RAB20: variants seen among roughly 807,000 people sequenced by gnomAD.
RAB20 encodes ras-related protein Rab-20.
Under a neutral mutation model 3.7 loss-of-function variants are expected in RAB20, and 2 were observed. The ratio of observed to expected loss-of-function variants is 0.54; its 90% confidence interval spans 0.22 to 1.69. RAB20 has a LOEUF of 1.69. RAB20 is among the 40% of genes most tolerant of loss of function. The pLI, the probability that RAB20 is intolerant of heterozygous loss-of-function variation, is 0.19. For missense variants in RAB20, 276 were observed against 311.9 expected (o/e 0.88, Z 0.87); for synonymous variants, 126 against 130.8 (o/e 0.96, Z 0.25).
chr13:110,540,963 G>GA (rs962394595), intron 1 of RAB20, among the ~76,000 whole-genome samples: 1 of 152,176 alleles, frequency 6.6e-6, no homozygotes, highest in African/African-American at 2.4e-5. Flanking sequence ...CATGCCCCTG[G>GA]AATGGGAGTT....
rs369071009 is a variant in RAB20, at chr13:110,524,042, T to C, written c.328A>G (p.Ile110Val). Residue 110 changes from isoleucine to valine, a missense_variant, in exon 2 of 2, where the codon ATC becomes GTC. By Grantham distance (29) the Ile-to-Val change is conservative. Coordinates refer to ENST00000267328, the MANE Select transcript of RAB20 (RefSeq NM_017817.3). Reference protein sequence around the residue: ...DTASKDCLFAIVGNKVDLTEE... With the variant: ...DTASKDCLFAVVGNKVDLTEE... ...GTGAGGTCCACTTTGTTCCCCACGA[T>C]GGCAAAGAGGCAGTCTTTGCTGGCT... is the stretch of plus-strand genomic sequence containing the variant. 9 of 1,614,026 alleles carry C rather than the reference T, an allele frequency of 5.6e-6. No individual in the cohort carries two copies. Among genetic ancestry groups the C allele is most frequent in the Non-Finnish European group, 7.6e-6 (9 of 1,180,036 alleles).
chr13:110,561,529 A>G lies in RAB20; in HGVS notation c.-10T>C. The G allele has an allele frequency of 6.4e-7, 1 of 1,554,530 alleles. No homozygotes were observed. The highest frequency in any genetic ancestry group is 1.2e-5 in the South Asian group (1 of 84,142). On this transcript the variant is annotated 5_prime_UTR_variant, in exon 1 of 2. Coordinates refer to ENST00000267328, the MANE Select transcript of RAB20 (RefSeq NM_017817.3). ...TGTCGGGCTTCCTCATCTTCCCGTA[A>G]GAACCCCCAGCGCCCCCGCGCCCTC...
At chr13:110,528,466 T>G (rs1446778612) in intron 1 of RAB20, among the ~76,000 whole-genome samples, 1 of 151,794 alleles carries the variant, frequency 6.6e-6, no homozygotes, top group Non-Finnish European at 1.5e-5. Context: ...TCTTCGTCAT[T>G]ACCACAGTAC....
intron 1 of RAB20, among the ~76,000 whole-genome samples, chr13:110,529,646 C>G (rs940876787): frequency 6.6e-6 from 1 of 152,200 alleles, no homozygotes; most frequent in Non-Finnish European, 1.5e-5. Context: ...CAACCCTGGT[C>G]TGGTGAACGG....
At chr13:110,534,150 G>A (rs1326296681) in intron 1 of RAB20, among the ~76,000 whole-genome samples, 1 of 152,254 alleles carries the variant, frequency 6.6e-6, no homozygotes, top group African/African-American at 2.4e-5. Context: ...ACAGTGCTCT[G>A]TGATGTGGTA....
At chr13:110,539,511 T>A (rs945250472) in intron 1 of RAB20, among the ~76,000 whole-genome samples, 1 of 152,140 alleles carries the variant, frequency 6.6e-6, no homozygotes, top group Non-Finnish European at 1.5e-5. Flanking sequence ...TTTTTCACCT[T>A]TAAATATACA....
chr13:110,525,678 C>G (rs1884416228), intron 1 of RAB20, among the ~76,000 whole-genome samples: 1 of 152,240 alleles, frequency 6.6e-6, no homozygotes, highest in African/African-American at 2.4e-5. Context: ...GTGCACGCAG[C>G]AGGTGAGAGC....
intron 1 of RAB20, among the ~76,000 whole-genome samples, chr13:110,532,278 T>A (rs190950445): frequency 3.9e-5 from 6 of 152,340 alleles, no homozygotes; most frequent in Admixed American, 3.9e-4. Flanking sequence ...AGGGCAGCTA[T>A]TGAAATGTAA....
chr13:110,546,225 C>A (rs1348046866), intron 1 of RAB20, among the ~76,000 whole-genome samples: 1 of 152,228 alleles, frequency 6.6e-6, no homozygotes, highest in East Asian at 1.9e-4. Flanking sequence ...CCCTGCACAT[C>A]TGTCATCTTA....
At chr13:110,553,260 A>C (rs1477926984) in intron 1 of RAB20, among the ~76,000 whole-genome samples, 1 of 152,198 alleles carries the variant, frequency 6.6e-6, no homozygotes, top group East Asian at 1.9e-4. Context: ...GTTCAGTAGG[A>C]GCTGGTGTTC....
chr13:110,542,349 A>G (rs1274309955), intron 1 of RAB20, among the ~76,000 whole-genome samples: 1 of 152,148 alleles, frequency 6.6e-6, no homozygotes, highest in Non-Finnish European at 1.5e-5. Context: ...CCACCCTCTC[A>G]GCCAATTTCA....
Position 110,523,520 on chromosome 13 carries a change from A to T in RAB20, c.*145T>A. The T allele has an allele frequency of 1.4e-6, 2 of 1,414,014 alleles. No homozygotes were observed. The highest frequency in any genetic ancestry group is 1.9e-6 in the Non-Finnish European group (2 of 1,070,374). The allele number at this position is 1,414,014 out of a possible 1,614,324, so 87.6% of individuals were successfully genotyped here. On this transcript the variant is annotated 3_prime_UTR_variant, in exon 2 of 2. Coordinates refer to ENST00000267328, the MANE Select transcript of RAB20 (RefSeq NM_017817.3). The stretch of plus-strand genomic sequence containing the variant: ...ACACGTTGACCTCCTCTTCATAGCC[A>T]GCCATCATTTCCACTCCAACATTCT...
intron 1 of RAB20, among the ~76,000 whole-genome samples, chr13:110,541,204 G>GTCAC (rs2139582470): frequency 6.6e-6 from 1 of 152,272 alleles, no homozygotes; most frequent in African/African-American, 2.4e-5. Flanking sequence ...CCTGGTCACG[G>GTCAC]TCACGGCGCA....
At chr13:110,525,248 G>C (rs1214388474) in intron 1 of RAB20, among the ~76,000 whole-genome samples, 2 of 152,238 alleles carry the variant, frequency 1.3e-5, no homozygotes, top group African/African-American at 4.8e-5. Flanking sequence ...CAGGGCACTG[G>C]AACACCCGCC....
rs146370227 is a variant in RAB20, at chr13:110,552,223, A to C, written c.172+9125T>G. Among the ~76,000 whole-genome samples, 687 of 152,008 alleles carry C rather than the reference A, an allele frequency of 4.5e-3. 10 individuals are homozygous for C. The highest frequency in any genetic ancestry group is 0.016 in the African/African-American group (663 of 41,448). ...GTGAAACCCTGTCTCTACTAAAAAT[A>C]CAAAAATTAGCCGGGCATGGTGGTG... On this transcript the variant is annotated intron_variant, in intron 1 of 1. Transcript: ENST00000267328.
At chr13:110,558,084 G>T (rs1474317005) in intron 1 of RAB20, among the ~76,000 whole-genome samples, 94 of 152,258 alleles carry the variant, frequency 6.2e-4, no homozygotes, top group Admixed American at 6.1e-3. Context: ...CGGCACCGGG[G>T]AGCCTCAGTT....
chr13:110,535,504 C>CT (rs1566585583), intron 1 of RAB20, among the ~76,000 whole-genome samples: 1 of 152,232 alleles, frequency 6.6e-6, no homozygotes. Flanking sequence ...TGGGAAGTCT[C>CT]TGTTTTCCAT....
At chr13:110,552,498 C>G (rs1222604388) in intron 1 of RAB20, among the ~76,000 whole-genome samples, 1 of 151,812 alleles carries the variant, frequency 6.6e-6, no homozygotes, top group Non-Finnish European at 1.5e-5. Flanking sequence ...TCGAGACCAT[C>G]CTGGCTAATA....
intron 1 of RAB20, among the ~76,000 whole-genome samples, chr13:110,553,707 A>G (rs186997819): frequency 1.3e-5 from 2 of 152,352 alleles, no homozygotes; most frequent in Non-Finnish European, 2.9e-5. Flanking sequence ...GTCTCCAGTC[A>G]CACAAACACT....
Sources: gnomAD v4.1 joint callset for allele counts (sites outside exome capture counted in the v4.1 genomes callset) on GRCh38, gnomAD v4.1.1 for gene constraint, MANE v1.5 for transcripts, NCBI Gene and HGNC (gene_info 2026-07-23, HGNC 2026-07-21) for gene names.